PARP4: variants seen among roughly 807,000 people sequenced by gnomAD.
The protein encoded by PARP4 is protein mono-ADP-ribosyltransferase PARP4.
A neutral mutation model predicts 187.7 loss-of-function variants in PARP4; 120 were observed. The observed-to-expected ratio is 0.64, with a 90% CI of 0.55 to 0.74. The LOEUF (loss-of-function observed/expected upper bound fraction) is 0.74, where lower values mean the gene tolerates loss of function less well. Ranked by LOEUF, PARP4 falls within the 30% of genes least tolerant of loss-of-function variation. PARP4 has a pLI of 0.00. For synonymous variants in PARP4, 654 were observed against 740.9 expected (o/e 0.88, Z 1.90); for missense variants, 1,836 against 2,070.5 (o/e 0.89, Z 2.20).
intron 17 of PARP4, among the ~76,000 whole-genome samples, chr13:24,467,790 T>C (rs933337851): frequency 6.6e-6 from 1 of 152,184 alleles, no homozygotes; most frequent in African/African-American, 2.4e-5. Context: ...TAGGGAAATA[T>C]GTAAGTATTA....
intron 25 of PARP4, among the ~76,000 whole-genome samples, 172 bp downstream of exon 25, chr13:24,449,546 C>T (rs976338158): frequency 2.0e-5 from 3 of 152,052 alleles, no homozygotes; most frequent in African/African-American, 4.8e-5. Flanking sequence ...TGATGAAGAA[C>T]ACCTGTGTTC....
chr13:24,492,334 C>A, intron 9 of PARP4, 87 bp downstream of exon 9: 1 of 862,474 alleles, frequency 1.2e-6, no homozygotes, highest in South Asian at 2.0e-5. Context: ...TTTCATGATT[C>A]AGTGTTACCT....
chr13:24,506,936 T>A (rs1869730608), intron 1 of PARP4, among the ~76,000 whole-genome samples: 1 of 152,032 alleles, frequency 6.6e-6, no homozygotes, highest in Non-Finnish European at 1.5e-5. Flanking sequence ...GGGCTGCAGG[T>A]CCCGAGCCCT....
intron 28 of PARP4, among the ~76,000 whole-genome samples, 192 bp from the exon 29 acceptor site, chr13:24,442,877 C>T (rs1038111656): frequency 7.7e-6 from 1 of 129,774 alleles, no homozygotes; most frequent in Admixed American, 7.5e-5. Flanking sequence ...TTATTCAGCT[C>T]CCTCTAGTTC....
rs1217628257 is a variant in PARP4, at chr13:24,499,505, TCCACATGG to T, written c.402-137_402-130del. The stretch of plus-strand genomic sequence containing the variant: ...GATTCCTTACAAAACACATGGTAAG[TCCACATGG>T]TAAGTCCCTAAGGCCTCCTTAGCTC... On this transcript the variant is annotated intron_variant, in intron 4 of 33. Coordinates refer to ENST00000381989, the MANE Select transcript of PARP4 (RefSeq NM_006437.4). The T allele has an allele frequency of 4.2e-6, 3 of 713,416 alleles. No individual in the cohort carries two copies. In the East Asian group the frequency reaches 9.5e-5, roughly 23 times the overall value. The allele number at this position is 713,416 out of a possible 1,614,324, so 44.2% of individuals were successfully genotyped here.
At chr13:24,496,394 T>C (rs1255915309) in intron 6 of PARP4, among the ~76,000 whole-genome samples, 1 of 152,132 alleles carries the variant, frequency 6.6e-6, no homozygotes, top group East Asian at 1.9e-4. Context: ...GTAGGCAAAA[T>C]TGCTTATGTA....
At chr13:24,483,490 C>G (rs1283897321) in intron 12 of PARP4, among the ~76,000 whole-genome samples, 11 of 81,940 alleles carry the variant, frequency 1.3e-4, no homozygotes, top group African/African-American at 4.9e-4. Flanking sequence ...GAGACTCCGT[C>G]TCAAAAAAAA....
intron 28 of PARP4, among the ~76,000 whole-genome samples, chr13:24,442,976 C>A (rs1413970636): frequency 6.6e-6 from 1 of 151,770 alleles, no homozygotes; most frequent in Admixed American, 6.6e-5. Context: ...GATGGAATGA[C>A]TTGTTCAGGA....
intron 30 of PARP4, among the ~76,000 whole-genome samples, chr13:24,436,164 G>A (rs576217835): frequency 6.6e-6 from 1 of 152,322 alleles, no homozygotes; most frequent in East Asian, 1.9e-4. Context: ...ATTTTACAAT[G>A]AGCAGTATCA....
intron 33 of PARP4, among the ~76,000 whole-genome samples, chr13:24,422,084 G>A (rs983888925): frequency 6.6e-6 from 1 of 152,198 alleles, no homozygotes; most frequent in African/African-American, 2.4e-5. Flanking sequence ...AGGGCCGTCA[G>A]TATAGCGTGG....
chr13:24,431,688 C>G (rs978187811), intron 31 of PARP4, among the ~76,000 whole-genome samples: 1 of 152,154 alleles, frequency 6.6e-6, no homozygotes, highest in Admixed American at 6.5e-5. Context: ...AAAACTTTAA[C>G]AAATTAAATG....
At chr13:24,498,856 T>C (rs115665757) in intron 5 of PARP4, among the ~76,000 whole-genome samples, 1,784 of 152,358 alleles carry the variant, frequency 0.012, 42 homozygotes, top group African/African-American at 0.04. Context: ...TACAAGAAAC[T>C]GTTAGTAACA....
At chr13:24,486,065 T>C (rs1458456258) in intron 11 of PARP4, 103 bp downstream of exon 11, 13 of 983,700 alleles carry the variant, frequency 1.3e-5, no homozygotes, top group Non-Finnish European at 2.0e-5. Flanking sequence ...TGATTTTAAC[T>C]GAAAAGACTC....
chr13:24,506,212 C>T (rs528048941), intron 1 of PARP4, among the ~76,000 whole-genome samples: 47 of 152,330 alleles, frequency 3.1e-4, no homozygotes, highest in African/African-American at 1.0e-3. Context: ...CGTTACAGTT[C>T]TTTAAGGCGG....
chr13:24,439,867 T>G (rs1870829127), intron 30 of PARP4, among the ~76,000 whole-genome samples: 1 of 152,150 alleles, frequency 6.6e-6, no homozygotes, highest in Admixed American at 6.5e-5. Context: ...CCCCTCGCTT[T>G]CCTTCAAGCA....
chr13:24,455,176 C>A lies in PARP4; in HGVS notation c.2599G>T (p.Asp867Tyr). 1 of 1,594,864 alleles carries A rather than the reference C, an allele frequency of 6.3e-7. No homozygotes were observed. Among genetic ancestry groups the A allele is most frequent in the Admixed American group, 1.7e-5 (1 of 59,530 alleles). Residue 867 changes from aspartate (D) to tyrosine (Y), a missense_variant, in exon 22 of 34, where the codon GAC becomes TAC. Coordinates refer to ENST00000381989, the MANE Select transcript of PARP4 (RefSeq NM_006437.4). Reference protein sequence around the residue: ...MLVFQPDLDVDLPDLASESEV... With the variant: ...MLVFQPDLDVYLPDLASESEV... ...CTCTCACTGGCTAGGTCAGGGAGGT[C>A]GACATCGAGATCGGGTTGAAAGACA...
At chr13:24,425,300 CAATAAATA>C (rs927799120) in intron 33 of PARP4, among the ~76,000 whole-genome samples, 2 of 152,070 alleles carry the variant, frequency 1.3e-5, no homozygotes, top group East Asian at 1.9e-4. Context: ...GACTTTGTCT[CAATAAATA>C]AATAAATAAA....
intron 28 of PARP4, among the ~76,000 whole-genome samples, chr13:24,443,322 C>T (rs1871042401): frequency 6.6e-6 from 1 of 152,168 alleles, no homozygotes; most frequent in South Asian, 2.1e-4. Context: ...GATGGGAATA[C>T]TAACGCTACC....
At chr13:24,472,753 C>T (rs2096093) in intron 15 of PARP4, among the ~76,000 whole-genome samples, 76,782 of 151,416 alleles carry the variant, frequency 0.51, 19,691 homozygotes, top group South Asian at 0.64. Context: ...CCCCAGCACC[C>T]GCATTAGATA....
Sources: gnomAD v4.1 joint callset for allele counts (sites outside exome capture counted in the v4.1 genomes callset) on GRCh38, gnomAD v4.1.1 for gene constraint, MANE v1.5 for transcripts, NCBI Gene and HGNC (gene_info 2026-07-23, HGNC 2026-07-21) for gene names.